The following DRC8 variants were observed in gnomAD, a reference collection of about 807,000 sequenced individuals.
DRC8 encodes dynein regulatory complex protein 8.
the DRC8 span, among the ~76,000 whole-genome samples, chr1:244,972,829 AAC>A: frequency 6.6e-6 from 1 of 151,984 alleles, no homozygotes; most frequent in East Asian, 1.9e-4. Flanking sequence ...AAAAAAAAAA[AAC>A]AAAAACAAAA....
the DRC8 span, among the ~76,000 whole-genome samples, chr1:244,972,507 A>G: frequency 6.6e-6 from 1 of 152,204 alleles, no homozygotes; most frequent in Non-Finnish European, 1.5e-5. Context: ...ACATGTTTGT[A>G]GGTGATTTGT....
chr1:245,022,072 C>A, the DRC8 span, among the ~76,000 whole-genome samples: 2 of 151,970 alleles, frequency 1.3e-5, no homozygotes, highest in Non-Finnish European at 2.9e-5. Flanking sequence ...CGAAAGCTAG[C>A]GCCTTGAAAA....
At chr1:245,105,085 T>G in the DRC8 span, among the ~76,000 whole-genome samples, 1 of 152,232 alleles carries the variant, frequency 6.6e-6, no homozygotes, top group Non-Finnish European at 1.5e-5. Context: ...CGTAGACCAA[T>G]TTTTATATCT....
At chr1:245,039,699 G>T in the DRC8 span, among the ~76,000 whole-genome samples, 1 of 152,132 alleles carries the variant, frequency 6.6e-6, no homozygotes, top group Non-Finnish European at 1.5e-5. Context: ...TCCAGTCTGT[G>T]ACAGTTCCTC....
the DRC8 span, among the ~76,000 whole-genome samples, chr1:245,048,729 A>G: frequency 6.6e-6 from 1 of 151,972 alleles, no homozygotes; most frequent in Non-Finnish European, 1.5e-5. Context: ...TTTTATTATT[A>G]TTGTTATTTT....
the DRC8 span, chr1:245,015,739 T>C: frequency 7.1e-6 from 2 of 280,872 alleles, no homozygotes; most frequent in South Asian, 3.2e-5. Context: ...AGAAAGAATA[T>C]ATCCAGAATG....
At chr1:245,094,650 T>C in the DRC8 span, among the ~76,000 whole-genome samples, 1 of 152,228 alleles carries the variant, frequency 6.6e-6, no homozygotes, top group Non-Finnish European at 1.5e-5. Flanking sequence ...TGAGGAGTTA[T>C]CTTGCGTTCC....
At chr1:244,970,168 G>A in the DRC8 span, 12 of 702,018 alleles carry the variant, frequency 1.7e-5, no homozygotes, top group South Asian at 9.1e-5. Context: ...GGTCTGGAGG[G>A]ACAAGGCCGG....
the DRC8 span, among the ~76,000 whole-genome samples, chr1:245,018,878 G>A: frequency 5.3e-3 from 808 of 152,236 alleles, 10 homozygotes; most frequent in African/African-American, 0.017. Flanking sequence ...AAGGTAAATC[G>A]TTTGCTCCAT....
chr1:245,124,326 C>T, the DRC8 span: 1 of 152,282 alleles, frequency 6.6e-6, no homozygotes, highest in Non-Finnish European at 1.5e-5. Context: ...ATGGTATGAG[C>T]ACCGCAGCTT....
chr1:245,038,069 AAC>A, the DRC8 span, among the ~76,000 whole-genome samples: 4 of 152,362 alleles, frequency 2.6e-5, no homozygotes, highest in African/African-American at 9.6e-5. Flanking sequence ...TTATTAAGTT[AAC>A]ACAGTCTCAA....
chr1:245,100,816 AATACT>A, the DRC8 span, among the ~76,000 whole-genome samples: 1 of 40,426 alleles, frequency 2.5e-5, no homozygotes, highest in Non-Finnish European at 7.5e-5. Flanking sequence ...AATAATAATA[AATACT>A]TCACAGTTTG....
the DRC8 span, among the ~76,000 whole-genome samples, chr1:244,997,084 A>T: frequency 1.3e-5 from 2 of 152,218 alleles, no homozygotes; most frequent in African/African-American, 4.8e-5. Flanking sequence ...ATGATAAGGA[A>T]AAAAGACTGT....
At chr1:245,065,695 C>T in the DRC8 span, among the ~76,000 whole-genome samples, 1 of 152,042 alleles carries the variant, frequency 6.6e-6, no homozygotes, top group East Asian at 1.9e-4. Context: ...CAAACACATG[C>T]ATGGAACTTG....
At chr1:244,977,173 C>G in the DRC8 span, among the ~76,000 whole-genome samples, 54 of 152,210 alleles carry the variant, frequency 3.5e-4, no homozygotes, top group South Asian at 1.0e-3. Context: ...GTGTAGAGTT[C>G]CAGTTCTGCA....
chr1:245,052,593 G>A, the DRC8 span, among the ~76,000 whole-genome samples: 1 of 152,224 alleles, frequency 6.6e-6, no homozygotes, highest in Non-Finnish European at 1.5e-5. Flanking sequence ...TGTTGACTGC[G>A]CACAGCAGGG....
At chr1:245,046,512 T>C in the DRC8 span, among the ~76,000 whole-genome samples, 1 of 152,232 alleles carries the variant, frequency 6.6e-6, no homozygotes. Flanking sequence ...CATCTGGACA[T>C]GTGCAGGGCT....
chr1:244,995,285 CG>C, the DRC8 span, among the ~76,000 whole-genome samples: 2 of 151,692 alleles, frequency 1.3e-5, no homozygotes, highest in African/African-American at 2.4e-5. Context: ...CGCTTGAATC[CG>C]GGAGGTGGAG....
At chr1:245,073,519 G>A in the DRC8 span, among the ~76,000 whole-genome samples, 10 of 152,034 alleles carry the variant, frequency 6.6e-5, no homozygotes, top group Admixed American at 6.6e-4. Context: ...AGCAATCCAG[G>A]GGACGGGGCG....
Sources: allele counts gnomAD v4.1 joint callset (sites outside exome capture counted in the v4.1 genomes callset), GRCh38; gene constraint gnomAD v4.1.1; transcripts MANE v1.5; gene names NCBI Gene and HGNC (gene_info 2026-07-23, HGNC 2026-07-21).